Variants in EEF2 observed in about 807,000 individuals in gnomAD.
The protein encoded by EEF2 is elongation factor 2.
Under a neutral mutation model 85.3 loss-of-function variants are expected in EEF2, and 21 were observed. That is an observed-to-expected ratio of 0.25 (90% CI 0.17 to 0.35). EEF2 has a LOEUF of 0.35. Among genes scored for constraint, EEF2 ranks in the 10% least tolerant of loss-of-function variants. EEF2 has a pLI of 1.00. For missense variants in EEF2, 825 were observed against 1,225.3 expected (o/e 0.67, Z 4.88); for synonymous variants, 723 against 508.8 (o/e 1.42, Z -5.67).
intron 9 of EEF2, 54 bp downstream of exon 9, chr19:3,980,460 C>A: frequency 1.3e-6 from 2 of 1,552,626 alleles, no homozygotes; most frequent in South Asian, 1.2e-5. Flanking sequence ...AGACTTGGAG[C>A]AGGGCAGGGC....
At position 3,981,952 on chromosome 19, in the gene EEF2, A is replaced by G; in HGVS notation, c.892T>C (p.Phe298Leu). ...CTGGCGCAGCCCTCACTCACCTTGA[A>G]GATGGGGTCCAGGATCAGCTGGCAG... The part of the protein sequence containing the change: ...TFCQLILDPI[F>L]KVFDAIMNFK... Residue 298 changes from phenylalanine to leucine, a missense_variant, in exon 6 of 15, where the codon TTC (phenylalanine) becomes CTC (leucine). Transcript: ENST00000309311. The G allele has an allele frequency of 6.2e-7, 1 of 1,613,948 alleles. No individual in the cohort carries two copies. The highest frequency in any genetic ancestry group is 8.5e-7 in the Non-Finnish European group (1 of 1,179,914).
At chr19:3,979,696 C>G (rs1209386840) in intron 10 of EEF2, 112 bp downstream of exon 10, 1 of 1,482,840 alleles carries the variant, frequency 6.7e-7, no homozygotes, top group Non-Finnish European at 9.1e-7. Context: ...CCCCTCCTTT[C>G]ATGACCAGTC....
intron 4 of EEF2, 86 bp downstream of exon 4, chr19:3,982,721 A>G: frequency 7.0e-7 from 1 of 1,428,740 alleles, no homozygotes. Flanking sequence ...ACACACTTCC[A>G]GTCCCCCTCA....
At position 3,977,628 on chromosome 19, in the gene EEF2, C is replaced by T; in HGVS notation, c.2068-18G>A. ...AGTGCGCCCTGGGGGAGGGGGAGAG[C>T]CACCGTCAAGGGCCGGACACACCTC... On this transcript the variant is annotated intron_variant, in intron 12 of 14. Transcript: ENST00000309311. This position sits in a 1 kb window ranked among gnomAD's most constrained non-coding sequence, Gnocchi z 5.4. The T allele has an allele frequency of 6.7e-7, 1 of 1,502,850 alleles. No homozygotes were observed. Among genetic ancestry groups the T allele is most frequent in the Non-Finnish European group, 8.8e-7 (1 of 1,130,218 alleles). 93.1% of individuals were successfully genotyped at this position (1,502,850 alleles called of 1,614,324 possible).
chr19:3,982,606 GT>G, intron 4 of EEF2, 182 bp from the exon 5 acceptor site: 1 of 1,050,374 alleles, frequency 9.5e-7, no homozygotes, highest in South Asian at 1.4e-5. Context: ...CCAGGGCAGC[GT>G]TCCCTGAGCT....
intron 11 of EEF2, 100 bp downstream of exon 11, chr19:3,979,229 T>TCTTGCGTCTG: frequency 1.1e-6 from 1 of 877,158 alleles, no homozygotes. Context: ...AAGACCGAGA[T>TCTTGCGTCTG]CAAGTCTAGG....
intron 6 of EEF2, 103 bp downstream of exon 6, chr19:3,981,841 CCCA>C: frequency 3.9e-6 from 4 of 1,024,920 alleles, no homozygotes; most frequent in African/African-American, 1.6e-5. Flanking sequence ...TCGCATCTGC[CCCA>C]CAAGGAGACG....
rs746110330 is a variant in EEF2, at chr19:3,982,248, G to T, written c.789C>A (p.Asp263Glu). 3 of 1,613,860 alleles carry T rather than the reference G, an allele frequency of 1.9e-6. No individual in the cohort carries two copies. The highest frequency in any genetic ancestry group is 2.2e-5 in the East Asian group (1 of 44,892). The change falls in exon 5 of 15, where the codon GAC becomes GAA. Residue 263 changes from aspartate to glutamate, a missense_variant and splice_region_variant. Asp to Glu is a conservative substitution (Grantham distance 45). Transcript: ENST00000309311. ...CCACCATATCCCGCGGGGCTCACCT[G>T]TCACCCCACAGCTTCTTCATCATGT... Reference protein sequence around the residue: ...VEDMMKKLWGDRYFDPANGKF... With the variant: ...VEDMMKKLWGERYFDPANGKF...
At chr19:3,984,064 C>A (rs574292808) in intron 2 of EEF2, 72 bp downstream of exon 2, 1 of 1,555,744 alleles carries the variant, frequency 6.4e-7, no homozygotes, top group Non-Finnish European at 8.8e-7. Flanking sequence ...TCCCCGCGCA[C>A]CCTGGCCCAG....
At chr19:3,983,059 C>G (rs770614616) in intron 3 of EEF2, 41 bp from the exon 4 acceptor site, 1 of 1,611,222 alleles carries the variant, frequency 6.2e-7, no homozygotes, top group African/African-American at 1.3e-5. Context: ...CATCCTCAAG[C>G]AAGGATGGCC....
chr19:3,984,610 G>A (rs769293359), intron 1 of EEF2, among the ~76,000 whole-genome samples: 1 of 152,214 alleles, frequency 6.6e-6, no homozygotes, highest in Admixed American at 6.5e-5. Context: ...AGTGTCAACA[G>A]ATTTCCTTGA....
rs1273270182 is a variant in EEF2 at position 3,977,653 on chromosome 19, C to T, written c.2068-43G>A. On this transcript the variant is annotated intron_variant, in intron 12 of 14. Transcript: ENST00000309311. This position sits in a 1 kb window ranked among gnomAD's most constrained non-coding sequence, Gnocchi z 5.4. The stretch of plus-strand genomic sequence containing the variant: ...CCACCGTCAAGGGCCGGACACACCT[C>T]GGCTGCTTGCCCTCCACCTGCCAAG... 7 of 1,478,506 alleles carry T rather than the reference C, an allele frequency of 4.7e-6. No individual in the cohort carries two copies. Among genetic ancestry groups the T allele is most frequent in the South Asian group, 1.4e-5 (1 of 72,816 alleles). 91.6% of individuals were successfully genotyped at this position (1,478,506 alleles called of 1,614,324 possible). A position where few individuals can be genotyped will look rare whatever the true frequency, so the allele number is the denominator to read the frequency against.
chr19:3,984,666 G>A (rs2039797243), intron 1 of EEF2: 4 of 335,246 alleles, frequency 1.2e-5, no homozygotes, highest in Non-Finnish European at 2.2e-5. Flanking sequence ...AAACACGTAA[G>A]GGATGAATCC....
chr19:3,978,311 CAG>C, intron 11 of EEF2, 139 bp from the exon 12 acceptor site: 1 of 668,504 alleles, frequency 1.5e-6, no homozygotes, highest in Non-Finnish European at 2.4e-6. Flanking sequence ...GAAGCGGAGT[CAG>C]TGTTGCAGTG....
chr19:3,982,899 G>A lies in EEF2; in HGVS notation c.520C>T (p.Leu174Phe). 1 of 1,613,636 alleles carries A rather than the reference G, an allele frequency of 6.2e-7. No individual in the cohort carries two copies. The highest frequency in any genetic ancestry group is 8.5e-7 in the Non-Finnish European group (1 of 1,180,006). ...ACGATGCGCTGGAAAGTCTGGTAGA[G>A]CTCCTCGGGCTCCAGCTGCAGCTCC... ...LLELQLEPEE[L>F]YQTFQRIVEN... Residue 174 changes from leucine to phenylalanine, a missense_variant, in exon 4 of 15, where the codon CTC becomes TTC. Transcript: ENST00000309311.
Position 3,979,817 on chromosome 19 carries a change from G to C in EEF2, c.1596C>G (p.Pro532=), listed in dbSNP as rs1328438734. The change falls in exon 10 of 15, where the codon CCC becomes CCG. Residue 532 remains proline, a synonymous_variant. Coordinates refer to ENST00000309311, the MANE Select transcript of EEF2 (RefSeq NM_001961.4). ...EGLKRLAKSD[P]MVQCIIEESG... ...TGCACTCCGTGCCCACCTGCACCAT[G>C]GGGTCGGACTTGGCCAGCCGCTTCA... The C allele has an allele frequency of 6.2e-7, 1 of 1,612,592 alleles. No individual in the cohort carries two copies. Among genetic ancestry groups the C allele is most frequent in the African/African-American group, 1.3e-5 (1 of 74,944 alleles).
rs371537033 is a variant in EEF2, at chr19:3,976,306, C to T, written c.*248G>A. 1 of 411,628 alleles carries T rather than the reference C, an allele frequency of 2.4e-6. No homozygotes were observed. Among genetic ancestry groups the T allele is most frequent in the South Asian group, 2.8e-5 (1 of 35,870 alleles). The allele number at this position is 411,628 out of a possible 1,614,324, so 25.5% of individuals were successfully genotyped here. ...TGTTGGGTGTCCCATCCCGCCTCCC[C>T]CTCCCCGACCGGCCCATTAAGTCCC... On this transcript the variant is annotated 3_prime_UTR_variant, in exon 15 of 15. Transcript: ENST00000309311.
rs773046812 is a variant in EEF2, at chr19:3,984,177, G to C, written c.177C>G (p.Thr59=). ...TGCAACGCTCCTGCTCGTCCTTCCG[G>C]GTATCAGTGAAGCGTGTCTCCCCGG... ...ARAGETRFTD[T]RKDEQERCIT... Residue 59 remains threonine (T), a synonymous_variant, in exon 2 of 15, where the codon ACC becomes ACG. Transcript: ENST00000309311. 55 of 1,614,050 alleles carry C rather than the reference G, an allele frequency of 3.4e-5. 2 individuals are homozygous for C. The South Asian group carries it at 5.5e-4, about 16-fold the overall frequency.
At chr19:3,981,219 A>AT in intron 7 of EEF2, 120 bp downstream of exon 7, 1 of 1,134,920 alleles carries the variant, frequency 8.8e-7, no homozygotes. Context: ...GTCTAAAGCG[A>AT]AAGGGGCAGC....
Sources: allele counts gnomAD v4.1 joint callset (sites outside exome capture counted in the v4.1 genomes callset), GRCh38; gene constraint gnomAD v4.1.1; non-coding constraint Gnocchi (gnomAD v3.1); transcripts MANE v1.5; gene names NCBI Gene and HGNC (gene_info 2026-07-23, HGNC 2026-07-21).